The following COL11A1 variants were observed in gnomAD, a reference collection of about 807,000 sequenced individuals.
COL11A1 encodes collagen alpha-1(XI) chain.
A neutral mutation model predicts 265.2 loss-of-function variants in COL11A1; 74 were observed. That is an observed-to-expected ratio of 0.28 (90% CI 0.23 to 0.34). COL11A1 has a LOEUF of 0.34. Among genes scored for constraint, COL11A1 ranks in the 10% least tolerant of loss-of-function variants. The pLI, the probability that COL11A1 is intolerant of heterozygous loss-of-function variation, is 1.00. For missense variants in COL11A1, 2,165 were observed against 2,263.6 expected, an observed-to-expected ratio of 0.96 and a Z score of 0.88; for synonymous variants, 816 against 727.6, an observed-to-expected ratio of 1.12 and a Z score of -1.96.
At chr1:103,043,423 T>C (rs1314976592) in intron 4 of COL11A1, among the ~76,000 whole-genome samples, 2 of 151,952 alleles carry the variant, frequency 1.3e-5, no homozygotes, top group Non-Finnish European at 2.9e-5. Flanking sequence ...TTTTGTTCAA[T>C]TAAATTCACT....
chr1:102,936,327 C>T (rs541095514), intron 44 of COL11A1, among the ~76,000 whole-genome samples: 17 of 150,922 alleles, frequency 1.1e-4, no homozygotes, highest in African/African-American at 2.9e-4. Context: ...TTACATGGAA[C>T]GCTATTTTTA....
At position 102,889,897 on chromosome 1, in the gene COL11A1, G is replaced by C. The variant is rs1241162; in HGVS notation, c.4357-335C>G. On this transcript the variant is annotated intron_variant, in intron 58 of 66. Coordinates refer to ENST00000370096, the MANE Select transcript of COL11A1 (RefSeq NM_001854.4). ...TATAATATAAGTTGAATAAATAACA[G>C]AAAACTCATTATTTTAATAGGCATC... Among the ~76,000 whole-genome samples, 17,004 of 151,938 alleles carry C rather than the reference G, an allele frequency of 0.11. 1,273 individuals are homozygous for C. Among genetic ancestry groups the C allele is most frequent in the Middle Eastern group, 0.2 (58 of 284 alleles).
At chr1:103,088,976 G>A (rs546763335) in intron 1 of COL11A1, among the ~76,000 whole-genome samples, 3 of 152,118 alleles carry the variant, frequency 2.0e-5, no homozygotes, top group East Asian at 1.9e-4. Flanking sequence ...CTATCGACTC[G>A]CCCATCCTGA....
At chr1:102,878,475 C>CATATATAT (rs57574729) in intron 66 of COL11A1, among the ~76,000 whole-genome samples, 4,108 of 49,568 alleles carry the variant, frequency 0.083, 375 homozygotes, top group South Asian at 0.17. Flanking sequence ...ATTGAATCCT[C>CATATATAT]ATATATATAT....
intron 31 of COL11A1, among the ~76,000 whole-genome samples, chr1:102,980,847 CCT>C (rs1383879721): frequency 1.3e-5 from 2 of 152,048 alleles, no homozygotes; most frequent in Non-Finnish European, 2.9e-5. Context: ...TTTTTACCAA[CCT>C]CTCGGGGTCA....
intron 37 of COL11A1, among the ~76,000 whole-genome samples, chr1:102,966,415 A>G (rs776279743): frequency 2.6e-5 from 4 of 152,224 alleles, no homozygotes; most frequent in Non-Finnish European, 4.4e-5. Context: ...TAGTATCACA[A>G]TGTTCCCAAT....
At position 103,031,259 on chromosome 1, in the gene COL11A1, A is replaced by C. The variant is rs1361117557; in HGVS notation, c.652-15T>G. On this transcript the variant is annotated splice_polypyrimidine_tract_variant and intron_variant, in intron 4 of 66. Coordinates refer to ENST00000370096, the MANE Select transcript of COL11A1 (RefSeq NM_001854.4). ...TGAATGTCCCCCTGGGAAAAAAAAA[A>C]AAACAAAAACAAACAGACACAGATT... The C allele has an allele frequency of 2.5e-6, 4 of 1,600,094 alleles. No homozygotes were observed. The highest frequency in any genetic ancestry group is 1.1e-5 in the South Asian group (1 of 90,712).
chr1:103,031,249 GAAA>G lies in COL11A1; in HGVS notation c.652-8_652-6del, dbSNP rs36076089. 43 of 1,362,654 alleles carry G rather than the reference GAAA, an allele frequency of 3.2e-5. No homozygotes were observed. The highest frequency in any genetic ancestry group is 1.0e-4 in the African/African-American group (7 of 69,620). The allele number at this position is 1,362,654 out of a possible 1,614,324, so 84.4% of individuals were successfully genotyped here. On this transcript the variant is annotated splice_polypyrimidine_tract_variant and splice_region_variant and intron_variant, in intron 4 of 66. Transcript: ENST00000370096. ...CAAAAACTGCTGAATGTCCCCCTGG[GAAA>G]AAAAAAAAAACAAAAACAAACAGAC...
intron 42 of COL11A1, among the ~76,000 whole-genome samples, chr1:102,941,075 G>T (rs1251291588): frequency 2.6e-5 from 4 of 152,012 alleles, no homozygotes; most frequent in African/African-American, 9.7e-5. Context: ...TAATATTTTT[G>T]ATTGCATTCA....
intron 27 of COL11A1, 35 bp downstream of exon 27, chr1:102,995,954 T>A: frequency 1.2e-6 from 2 of 1,612,668 alleles, no homozygotes; most frequent in South Asian, 2.2e-5. Context: ...CATTTCACTT[T>A]GAAAGTAAAT....
intron 9 of COL11A1, among the ~76,000 whole-genome samples, chr1:103,019,770 G>C (rs1249730245): frequency 2.3e-5 from 3 of 128,708 alleles, no homozygotes; most frequent in Non-Finnish European, 3.1e-5. Flanking sequence ...CCCAGAGTGT[G>C]ATGTTCCCCT....
intron 56 of COL11A1, 146 bp downstream of exon 56, chr1:102,898,519 CT>C: frequency 3.3e-6 from 2 of 612,338 alleles, no homozygotes; most frequent in South Asian, 2.1e-5. Flanking sequence ...TGAAGAATAT[CT>C]TTTTTACATT....
chr1:103,035,923 A>G (rs1167139094), intron 4 of COL11A1, among the ~76,000 whole-genome samples: 2 of 151,946 alleles, frequency 1.3e-5, no homozygotes, highest in African/African-American at 4.8e-5. Flanking sequence ...CTTAAAATAT[A>G]CTGATAGTAT....
chr1:103,014,444 T>G, intron 13 of COL11A1, 67 bp downstream of exon 13: 1 of 1,257,130 alleles, frequency 8.0e-7, no homozygotes, highest in Non-Finnish European at 1.2e-6. Context: ...ATCTTCCGTA[T>G]GTACACACAT....
intron 4 of COL11A1, among the ~76,000 whole-genome samples, chr1:103,070,795 T>G (rs1671523909): frequency 6.6e-6 from 1 of 151,928 alleles, no homozygotes; most frequent in African/African-American, 2.4e-5. Context: ...AAAGGTTATC[T>G]CCATCTTATA....
intron 41 of COL11A1, among the ~76,000 whole-genome samples, chr1:102,952,678 T>A (rs1173055405): frequency 2.0e-5 from 3 of 152,200 alleles, no homozygotes; most frequent in African/African-American, 4.8e-5. Context: ...CTTCAAACAC[T>A]CTCAAAGCCT....
intron 1 of COL11A1, among the ~76,000 whole-genome samples, chr1:103,086,542 G>A (rs1672879203): frequency 6.6e-6 from 1 of 152,212 alleles, no homozygotes; most frequent in Non-Finnish European, 1.5e-5. Flanking sequence ...TCAGCCTCCT[G>A]AGTAGCTGGG....
At chr1:102,899,282 G>A (rs1198552515) in intron 54 of COL11A1, among the ~76,000 whole-genome samples, 3 of 151,908 alleles carry the variant, frequency 2.0e-5, no homozygotes, top group Admixed American at 6.6e-5. Flanking sequence ...AATTAAAATC[G>A]CCACCCTGAG....
At chr1:103,055,037 A>C (rs1670134216) in intron 4 of COL11A1, among the ~76,000 whole-genome samples, 1 of 152,236 alleles carries the variant, frequency 6.6e-6, no homozygotes. Flanking sequence ...ATTCCATTTT[A>C]CAGATGAGGA....
Sources: allele counts gnomAD v4.1 joint callset (sites outside exome capture counted in the v4.1 genomes callset), GRCh38; gene constraint gnomAD v4.1.1; transcripts MANE v1.5; gene names NCBI Gene and HGNC (gene_info 2026-07-23, HGNC 2026-07-21).